The following ANKRD53 variants were observed in gnomAD, a reference collection of about 807,000 sequenced individuals.
ANKRD53 encodes the protein ankyrin repeat domain 53.
ANKRD53 carries 27 observed loss-of-function variants against 30.1 expected under a neutral mutation model. The ratio of observed to expected loss-of-function variants is 0.90; its 90% CI spans 0.66 to 1.24. ANKRD53 has a LOEUF of 1.24. Ranked by LOEUF, ANKRD53 falls within the 50% of genes most tolerant of loss-of-function variation. The pLI, the probability that ANKRD53 is intolerant of heterozygous loss-of-function variation, is 0.00. For synonymous variants in ANKRD53, 286 were observed against 295.4 expected, an observed-to-expected ratio of 0.97 and a Z score of 0.33; for missense variants, 682 against 721.0, an observed-to-expected ratio of 0.95 and a Z score of 0.62.
At chr2:70,984,507 T>C (rs1670111155) in intron 5 of ANKRD53, 104 bp from the exon 6 acceptor site, 1 of 1,537,564 alleles carries the variant, frequency 6.5e-7, no homozygotes, top group Admixed American at 2.1e-5. Context: ...GTTTCCCTCA[T>C]CCTTCAGACT....
Position 70,982,106 on chromosome 2 carries a change from AGT to A in ANKRD53, c.782+10_782+11del, listed in dbSNP as rs781985177. On this transcript the variant is annotated splice_region_variant and intron_variant, in intron 4 of 5. Transcript: ENST00000360589. The surrounding 1 kb of genome is among the most constrained non-coding windows in gnomAD (Gnocchi z 4.2). ...AACCACCGTGCCTGTGCCCGGTGAGAGTGTGAGAACCACCTGGAGCCTGCCCA... is the reference window on the plus strand; with the variant it reads ...AACCACCGTGCCTGTGCCCGGTGAGAGTGAGAACCACCTGGAGCCTGCCCA... 1.9e-5 allele frequency: 30 copies of A among 1,598,024 alleles called. No individual in the cohort carries two copies. In the African/African-American group the frequency reaches 3.6e-4, roughly 19 times the overall value.
chr2:70,978,570 G>T (rs954130814), upstream of ANKRD53: 1 of 1,405,530 alleles, frequency 7.1e-7, no homozygotes, highest in Non-Finnish European at 9.2e-7. This position sits in a 1 kb window ranked among gnomAD's most constrained non-coding sequence, Gnocchi z 4.3. Context: ...AGCTGGCAAG[G>T]AGTGGCCCCC....
Position 70,982,301 on chromosome 2 carries a change from C to T in ANKRD53, c.782+201C>T, listed in dbSNP as rs1670036260. On this transcript the variant is annotated intron_variant, in intron 4 of 5. Transcript: ENST00000360589. The surrounding 1 kb of genome is among the most constrained non-coding windows in gnomAD (Gnocchi z 4.2). Reference sequence around the variant, plus strand: ...TTGGGGGTAAGTCTGCCCAGGTCCCCTGCTCTCTGGGTTGATCACTGCCCT... The same window carrying T: ...TTGGGGGTAAGTCTGCCCAGGTCCCTTGCTCTCTGGGTTGATCACTGCCCT... 1.3e-6 allele frequency: 1 copy of T among 755,770 alleles called. No homozygotes were observed. Among genetic ancestry groups the T allele is most frequent in the Admixed American group, 3.0e-5 (1 of 32,934 alleles). The allele number at this position is 755,770 out of a possible 1,614,324, so 46.8% of individuals were successfully genotyped here.
At chr2:70,980,199 C>T (rs1196266858) in intron 3 of ANKRD53, among the ~76,000 whole-genome samples, 2 of 152,194 alleles carry the variant, frequency 1.3e-5, no homozygotes, top group African/African-American at 4.8e-5. Flanking sequence ...CCTGTAATCC[C>T]AGCTATTCGG....
intron 5 of ANKRD53, chr2:70,984,349 A>AT (rs1670105359): frequency 1.9e-6 from 3 of 1,600,406 alleles, no homozygotes; most frequent in Non-Finnish European, 2.5e-6. Context: ...CAGATTGGAG[A>AT]TCCCCCCTTT....
rs561067507 is a variant in ANKRD53, at chr2:70,985,324, C to T, written c.*24C>T. On this transcript the variant is annotated 3_prime_UTR_variant, in exon 6 of 6. Coordinates refer to ENST00000360589, the MANE Select transcript of ANKRD53 (RefSeq NM_001115116.2). ...AAAGTTATTATGGCTACCTCTCCCC[C>T]TGAGGCAGCCCAGTGAAGGCTGAAG... 1.5e-5 allele frequency: 23 copies of T among 1,535,992 alleles called. No homozygotes were observed. In the East Asian group the frequency reaches 5.4e-4, roughly 36 times the overall value.
At chr2:70,980,746 A>G (rs1473965763) in intron 3 of ANKRD53, among the ~76,000 whole-genome samples, 3 of 152,096 alleles carry the variant, frequency 2.0e-5, no homozygotes, top group Non-Finnish European at 2.9e-5. Flanking sequence ...GAGATCAAGA[A>G]CATCCTGGCT....
Position 70,982,017 on chromosome 2 carries a change from T to C in ANKRD53, c.699T>C (p.Ser233=), listed in dbSNP as rs558099329. The change falls in exon 4 of 6, where the codon AGT becomes AGC. Residue 233 remains serine (S), a synonymous_variant. Transcript: ENST00000360589. The surrounding 1 kb of genome is among the most constrained non-coding windows in gnomAD (Gnocchi z 4.2). ...ACTGTGTGAAGGTCCTGGTGCAGAG[T>C]GGCGCCAACGTCCATGCCCAAGATG... ...LLDCVKVLVQ[S]GANVHAQDAM... The C allele has an allele frequency of 2.5e-6, 4 of 1,613,436 alleles. No individual in the cohort carries two copies. The South Asian group carries it at 4.4e-5, about 18-fold the overall frequency.
Position 70,978,987 on chromosome 2 carries a change from A to C in ANKRD53, c.171-110A>C. On this transcript the variant is annotated intron_variant, in intron 1 of 5. Coordinates refer to ENST00000360589, the MANE Select transcript of ANKRD53 (RefSeq NM_001115116.2). This position sits in a 1 kb window ranked among gnomAD's most constrained non-coding sequence, Gnocchi z 4.3. ...GAGAGGTGCCTAGGCCGTGGCCCAG[A>C]GTCGCTTCCCCACTGCCCCGCCCAC... 6.9e-7 allele frequency: 1 copy of C among 1,453,752 alleles called. No homozygotes were observed. Among genetic ancestry groups the C allele is most frequent in the Non-Finnish European group, 9.0e-7 (1 of 1,106,700 alleles). 90.1% of individuals were successfully genotyped at this position (1,453,752 alleles called of 1,614,324 possible).
chr2:70,978,696 C>A lies in ANKRD53; in HGVS notation c.51C>A (p.His17Gln). ...TARRAGSGSW[H>Q]SERGEGRGAR... The stretch of plus-strand genomic sequence containing the variant: ...GGCGGGCGGGCTCCGGAAGCTGGCA[C>A]TCAGAAAGGGGAGAAGGGAGAGGTG... The change falls in exon 1 of 6, where the codon CAC (histidine) becomes CAA (glutamine). Residue 17 changes from histidine (H) to glutamine (Q), a missense_variant. Physicochemically the swap from His to Gln is conservative, Grantham distance 24. Transcript: ENST00000360589. This position sits in a 1 kb window ranked among gnomAD's most constrained non-coding sequence, Gnocchi z 4.3. The A allele has an allele frequency of 6.5e-7, 1 of 1,545,668 alleles. No individual in the cohort carries two copies. Among genetic ancestry groups the A allele is most frequent in the Non-Finnish European group, 8.7e-7 (1 of 1,145,578 alleles).
intron 5 of ANKRD53, 172 bp from the exon 6 acceptor site, chr2:70,984,439 C>A (rs1230300029): frequency 9.1e-6 from 9 of 985,284 alleles, no homozygotes; most frequent in African/African-American, 1.7e-5. Flanking sequence ...AACACCGGCT[C>A]CCATAAGGCA....
Position 70,982,133 on chromosome 2 carries a change from AC to A in ANKRD53, c.782+38del, listed in dbSNP as rs782088819. On this transcript the variant is annotated intron_variant, in intron 4 of 5. Coordinates refer to ENST00000360589, the MANE Select transcript of ANKRD53 (RefSeq NM_001115116.2). This position sits in a 1 kb window ranked among gnomAD's most constrained non-coding sequence, Gnocchi z 4.2. ...TGTGAGAACCACCTGGAGCCTGCCC[AC>A]CCCCTTCCCCTCCCCCAGCCTTTTC... 1.9e-5 allele frequency: 30 copies of A among 1,556,052 alleles called. No homozygotes were observed. In the African/African-American group the frequency reaches 3.8e-4, roughly 20 times the overall value.
In ANKRD53 at chr2:70,984,115, C is replaced by T. The variant is rs782632495; in HGVS notation, c.904-496C>T. 28 of 1,611,214 alleles carry T rather than the reference C, an allele frequency of 1.7e-5. No individual in the cohort carries two copies. In the South Asian group the frequency reaches 1.9e-4, roughly 11 times the overall value. On this transcript the variant is annotated intron_variant, in intron 5 of 5. Coordinates refer to ENST00000360589, the MANE Select transcript of ANKRD53 (RefSeq NM_001115116.2). Reference sequence around the variant, plus strand: ...GGCCATCCAGTCCTTTCTGCTTTCTCTTTCCAGGGTCAAGGATGCAGTGTG... The same window carrying T: ...GGCCATCCAGTCCTTTCTGCTTTCTTTTTCCAGGGTCAAGGATGCAGTGTG...
chr2:70,982,484 C>T lies in ANKRD53; in HGVS notation c.783-93C>T. ...TCTCCCTCTGGCCACTCCCCTCATC[C>T]CCATCCAAGCCCTCAGCAGCAGCCA... On this transcript the variant is annotated intron_variant, in intron 4 of 5. Transcript: ENST00000360589. The surrounding 1 kb of genome is among the most constrained non-coding windows in gnomAD (Gnocchi z 4.2). 6.4e-7 allele frequency: 1 copy of T among 1,551,220 alleles called. No individual in the cohort carries two copies. The highest frequency in any genetic ancestry group is 8.8e-7 in the Non-Finnish European group (1 of 1,139,476).
At position 70,985,037 on chromosome 2, in the gene ANKRD53, G is replaced by A; in HGVS notation, c.1330G>A (p.Val444Met). The A allele has an allele frequency of 6.5e-7, 1 of 1,549,650 alleles. No individual in the cohort carries two copies. The highest frequency in any genetic ancestry group is 1.2e-5 in the South Asian group (1 of 84,006). The change falls in exon 6 of 6, where the codon GTG becomes ATG. Residue 444 changes from valine to methionine, a missense_variant. Transcript: ENST00000360589. The stretch of plus-strand genomic sequence containing the variant: ...GCTGCACACAGTGGACGGCCACTGG[G>A]TGGCGCCCGTGCCGCGGCTGCCTTT... ...ARLHTVDGHW[V>M]APVPRLPFEV...
At chr2:70,978,584 G>A, upstream of ANKRD53, 1 of 1,420,798 alleles carries the variant, frequency 7.0e-7, no homozygotes, top group Non-Finnish European at 9.2e-7. The surrounding 1 kb of genome is among the most constrained non-coding windows in gnomAD (Gnocchi z 4.3). Context: ...GGCCCCCGGG[G>A]GCGGGGCGCC....
Position 70,982,482 on chromosome 2 carries a change from T to C in ANKRD53, c.783-95T>C. 1 of 1,548,146 alleles carries C rather than the reference T, an allele frequency of 6.5e-7. No homozygotes were observed. Among genetic ancestry groups the C allele is most frequent in the South Asian group, 1.2e-5 (1 of 82,298 alleles). ...CCTCTCCCTCTGGCCACTCCCCTCA[T>C]CCCCATCCAAGCCCTCAGCAGCAGC... On this transcript the variant is annotated intron_variant, in intron 4 of 5. Transcript: ENST00000360589. The surrounding 1 kb of genome is among the most constrained non-coding windows in gnomAD (Gnocchi z 4.2).
rs782165379 is a variant in ANKRD53, at chr2:70,979,363, G to A, written c.417+20G>A. The A allele has an allele frequency of 6.2e-7, 1 of 1,612,764 alleles. No homozygotes were observed. Among genetic ancestry groups the A allele is most frequent in the East Asian group, 2.2e-5 (1 of 44,864 alleles). ...GACAAGGTAAGGTCTTGAGTGTTGG[G>A]GCAAAGACCGAGGTCCCTCTCCCGC... On this transcript the variant is annotated intron_variant, in intron 2 of 5. Transcript: ENST00000360589.
At position 70,982,433 on chromosome 2, in the gene ANKRD53, G is replaced by C; in HGVS notation, c.783-144G>C. 1 of 1,181,188 alleles carries C rather than the reference G, an allele frequency of 8.5e-7. No homozygotes were observed. Among genetic ancestry groups the C allele is most frequent in the Non-Finnish European group, 1.2e-6 (1 of 842,460 alleles). The allele number at this position is 1,181,188 out of a possible 1,614,324, so 73.2% of individuals were successfully genotyped here. On this transcript the variant is annotated intron_variant, in intron 4 of 5. Coordinates refer to ENST00000360589, the MANE Select transcript of ANKRD53 (RefSeq NM_001115116.2). The surrounding 1 kb of genome is among the most constrained non-coding windows in gnomAD (Gnocchi z 4.2). ...GAAGTAGGGAGCCAGAGGGCCCCGG[G>C]CAATGGGGATGGCTCATCTTGCTCC...
Sources: allele counts gnomAD v4.1 joint callset (sites outside exome capture counted in the v4.1 genomes callset), GRCh38; gene constraint gnomAD v4.1.1; non-coding constraint Gnocchi (gnomAD v3.1); transcripts MANE v1.5; gene names NCBI Gene and HGNC (gene_info 2026-07-23, HGNC 2026-07-21).